DCDC2: variants seen among roughly 807,000 people sequenced by gnomAD.
DCDC2 encodes the protein doublecortin domain-containing protein 2.
A neutral mutation model predicts 50.2 loss-of-function variants in DCDC2; 40 were observed. The observed-to-expected ratio is 0.80, with a 90% confidence interval of 0.62 to 1.04. The LOEUF (loss-of-function observed/expected upper bound fraction) is 1.04. Ranked by LOEUF, DCDC2 falls within the 50% of genes least tolerant of loss-of-function variation. The pLI is 0.00. For missense variants in DCDC2, 570 were observed against 581.9 expected (o/e 0.98, Z 0.21); for synonymous variants, 234 against 210.6 (o/e 1.11, Z -0.96).
intron 7 of DCDC2, among the ~76,000 whole-genome samples, chr6:24,230,275 G>A (rs1041207499): frequency 1.3e-4 from 20 of 152,110 alleles, no homozygotes; most frequent in Non-Finnish European, 2.4e-4. Flanking sequence ...TTATTATCAT[G>A]TAAGTGCCAT....
intron 7 of DCDC2, among the ~76,000 whole-genome samples, chr6:24,237,077 C>T (rs1581603723): frequency 6.6e-6 from 1 of 151,718 alleles, no homozygotes; most frequent in Admixed American, 6.6e-5. Context: ...ATATAAGCAG[C>T]CAATATGCAT....
chr6:24,279,830 T>C (rs1013719758), intron 6 of DCDC2, among the ~76,000 whole-genome samples: 3 of 152,208 alleles, frequency 2.0e-5, no homozygotes, highest in Non-Finnish European at 2.9e-5. Context: ...TGAGTGGAGT[T>C]AATGTACTTG....
At chr6:24,269,273 T>C (rs151162878) in intron 7 of DCDC2, among the ~76,000 whole-genome samples, 4 of 152,214 alleles carry the variant, frequency 2.6e-5, no homozygotes, top group Non-Finnish European at 5.9e-5. Flanking sequence ...TGTTCTTTAG[T>C]AGTGTGCTGG....
At chr6:24,343,812 T>C (rs1453140212) in intron 2 of DCDC2, among the ~76,000 whole-genome samples, 4 of 152,220 alleles carry the variant, frequency 2.6e-5, no homozygotes, top group Non-Finnish European at 5.9e-5. Flanking sequence ...GAGAATAGTT[T>C]GATATTTCAA....
chr6:24,282,628 T>C (rs1306675787), intron 6 of DCDC2, among the ~76,000 whole-genome samples: 1 of 152,088 alleles, frequency 6.6e-6, no homozygotes, highest in Admixed American at 6.6e-5. Flanking sequence ...GCATAAAAAC[T>C]CATTTCCAGT....
chr6:24,359,232 T>TTATATATTTTATATATTATATATAA (rs1561789292), upstream of DCDC2, among the ~76,000 whole-genome samples: 50 of 32,930 alleles, frequency 1.5e-3, no homozygotes, highest in Admixed American at 0.015. Context: ...TTTATATATT[T>TTATATATTTTATATATTATATATAA]TATATATTTT....
chr6:24,348,856 C>G (rs961272300), intron 2 of DCDC2, among the ~76,000 whole-genome samples: 6 of 152,022 alleles, frequency 3.9e-5, no homozygotes, highest in African/African-American at 1.2e-4. Context: ...CGCTGAACTC[C>G]CAAAGAGCAA....
chr6:24,247,944 C>T (rs951406996), intron 7 of DCDC2, among the ~76,000 whole-genome samples: 2 of 152,204 alleles, frequency 1.3e-5, no homozygotes, highest in East Asian at 1.9e-4. Context: ...GGTATGGTGG[C>T]GGATGCCTGT....
At chr6:24,284,511 C>A (rs1376443448) in intron 6 of DCDC2, among the ~76,000 whole-genome samples, 4 of 150,932 alleles carry the variant, frequency 2.7e-5, no homozygotes, top group African/African-American at 9.8e-5. Flanking sequence ...ACTCGGGAGG[C>A]TGAGGCAGGG....
upstream of DCDC2, among the ~76,000 whole-genome samples, chr6:24,358,831 T>TTA (rs1364998382): frequency 3.6e-4 from 17 of 46,720 alleles, no homozygotes; most frequent in East Asian, 1.8e-3. Flanking sequence ...TATATTATAT[T>TTA]TATATATATA....
At position 24,173,925 on chromosome 6, in the gene DCDC2, G is replaced by A. The variant is rs1441858275; in HGVS notation, c.*805C>T. ...TCAGGTTCTCTAATAACATAAGGGAGAAGAGAGAGATACTATTGGTAAAGA... is the reference window on the plus strand; with the variant it reads ...TCAGGTTCTCTAATAACATAAGGGAAAAGAGAGAGATACTATTGGTAAAGA... On this transcript the variant is annotated 3_prime_UTR_variant, in exon 10 of 10. Transcript: ENST00000378454. The A allele has an allele frequency of 6.6e-6, 1 of 152,190 alleles. No homozygotes were observed. Among genetic ancestry groups the A allele is most frequent in the Non-Finnish European group, 1.5e-5 (1 of 68,034 alleles). The allele number at this position is 152,190 out of a possible 1,614,324, so 9.4% of individuals were successfully genotyped here.
intron 2 of DCDC2, among the ~76,000 whole-genome samples, chr6:24,335,078 A>C (rs570181794): frequency 6.6e-6 from 1 of 152,344 alleles, no homozygotes; most frequent in Admixed American, 6.5e-5. Context: ...TAGCTAGATC[A>C]TGTAAACTGT....
intron 6 of DCDC2, among the ~76,000 whole-genome samples, chr6:24,280,085 A>G (rs1329968107): frequency 2.0e-5 from 3 of 152,244 alleles, no homozygotes; most frequent in South Asian, 2.1e-4. Flanking sequence ...CTAGAAAACT[A>G]TTATAACTGT....
At chr6:24,307,433 T>C (rs1219922682) in intron 2 of DCDC2, among the ~76,000 whole-genome samples, 1 of 152,212 alleles carries the variant, frequency 6.6e-6, no homozygotes, top group Non-Finnish European at 1.5e-5. Context: ...GAAAAATATG[T>C]AGTGAAATTT....
At chr6:24,323,578 G>A (rs1034726893) in intron 2 of DCDC2, among the ~76,000 whole-genome samples, 2 of 152,254 alleles carry the variant, frequency 1.3e-5, no homozygotes, top group Middle Eastern at 3.4e-3. Context: ...ATTTCAAAAT[G>A]AAAAGTTCAA....
chr6:24,332,963 G>A (rs1017791754), intron 2 of DCDC2, among the ~76,000 whole-genome samples: 1 of 152,180 alleles, frequency 6.6e-6, no homozygotes, highest in Non-Finnish European at 1.5e-5. Context: ...TTCAGCTGTA[G>A]CAAGTGCTGC....
intron 6 of DCDC2, among the ~76,000 whole-genome samples, chr6:24,279,326 G>A (rs1763422030): frequency 6.6e-6 from 1 of 152,116 alleles, no homozygotes; most frequent in South Asian, 2.1e-4. Flanking sequence ...CATAGTCCCA[G>A]CTACCTAGGG....
intron 7 of DCDC2, among the ~76,000 whole-genome samples, chr6:24,263,926 A>G (rs1206535258): frequency 6.6e-6 from 1 of 152,174 alleles, no homozygotes; most frequent in Non-Finnish European, 1.5e-5. Flanking sequence ...AGACAACCTC[A>G]AGACATTTAA....
intron 8 of DCDC2, among the ~76,000 whole-genome samples, chr6:24,197,045 T>C (rs767954506): frequency 4.6e-5 from 7 of 152,364 alleles, no homozygotes; most frequent in Non-Finnish European, 1.0e-4. Flanking sequence ...CCCAATGTTA[T>C]GACCAAGAGA....
Sources: gnomAD v4.1 joint callset for allele counts (sites outside exome capture counted in the v4.1 genomes callset) on GRCh38, gnomAD v4.1.1 for gene constraint, MANE v1.5 for transcripts, NCBI Gene and HGNC (gene_info 2026-07-23, HGNC 2026-07-21) for gene names.